Variants in WDPCP observed in about 807,000 individuals in gnomAD.
WDPCP encodes WD repeat-containing and planar cell polarity effector protein fritz homolog.
WDPCP carries 71 observed loss-of-function variants against 93.1 expected under a neutral mutation model. The observed-to-expected ratio is 0.76, with a 90% confidence interval of 0.63 to 0.93. The LOEUF is 0.93. WDPCP is among the 40% of genes least tolerant of loss of function. WDPCP has a pLI of 0.00. For synonymous variants in WDPCP, 315 were observed against 315.0 expected (o/e 1.00, Z 0.00); for missense variants, 844 against 887.4 (o/e 0.95, Z 0.62).
chr2:63,653,133 A>G (rs976165543), intron 2 of WDPCP, among the ~76,000 whole-genome samples: 3 of 152,228 alleles, frequency 2.0e-5, no homozygotes, highest in African/African-American at 7.2e-5. Context: ...TGCTGAGTAG[A>G]GACAGAGATC....
intron 17 of WDPCP, among the ~76,000 whole-genome samples, chr2:63,140,117 G>A (rs549863937): frequency 1.4e-4 from 22 of 152,116 alleles, no homozygotes; most frequent in African/African-American, 5.3e-4. Context: ...AAAATCAGTT[G>A]GCTGTAAGTA....
At chr2:63,419,637 T>C (rs955293844) in intron 9 of WDPCP, among the ~76,000 whole-genome samples, 6 of 152,196 alleles carry the variant, frequency 3.9e-5, no homozygotes, top group African/African-American at 7.2e-5. Context: ...GTCAACATGA[T>C]TGACGCCAAT....
At chr2:63,817,715 T>C (rs979443821) in intron 1 of WDPCP, among the ~76,000 whole-genome samples, 1 of 152,200 alleles carries the variant, frequency 6.6e-6, no homozygotes, top group Non-Finnish European at 1.5e-5. Flanking sequence ...AAAAAAAGTT[T>C]GCCAACCTCT....
chr2:63,329,126 C>T (rs1036882717), intron 12 of WDPCP, among the ~76,000 whole-genome samples: 16 of 152,164 alleles, frequency 1.1e-4, no homozygotes, highest in Non-Finnish European at 1.9e-4. Flanking sequence ...TTACACTGTA[C>T]GTTAGATCTC....
Position 63,174,694 on chromosome 2 carries a change from CTTTG to C in WDPCP, c.2050_2053del (p.Gln684GlufsTer3). On this transcript the variant is annotated frameshift_variant, in exon 15 of 18. Coordinates refer to ENST00000272321, the MANE Select transcript of WDPCP (RefSeq NM_015910.7). LOFTEE classifies it high-confidence loss of function. ...CCTGTTAGAAGAGCCATTCAGTATT[CTTTG>C]TTGTAAAATATGTCTGTGGGTTGGG... 1 of 1,613,866 alleles carries C rather than the reference CTTTG, an allele frequency of 6.2e-7. No homozygotes were observed. Among genetic ancestry groups the C allele is most frequent in the Non-Finnish European group, 8.5e-7 (1 of 1,179,888 alleles).
intron 17 of WDPCP, among the ~76,000 whole-genome samples, chr2:63,137,779 C>T (rs1670733492): frequency 6.6e-6 from 1 of 152,126 alleles, no homozygotes; most frequent in Admixed American, 6.5e-5. Flanking sequence ...ATATAGCTAG[C>T]TACTTATCCC....
At position 63,378,577 on chromosome 2, in the gene WDPCP, G is replaced by A; in HGVS notation, c.1625-68C>T. 1.9e-6 allele frequency: 3 copies of A among 1,605,498 alleles called. No individual in the cohort carries two copies. In the East Asian group the frequency reaches 6.7e-5, roughly 36 times the overall value. ...CCTTCAATTACAACAAAATACTCAT[G>A]TTTGCAGTCAGTCAGGTTTTGCAGA... On this transcript the variant is annotated intron_variant, in intron 11 of 17. Transcript: ENST00000272321.
intron 13 of WDPCP, among the ~76,000 whole-genome samples, chr2:63,304,558 A>G (rs1450187452): frequency 2.6e-5 from 4 of 152,176 alleles, no homozygotes; most frequent in African/African-American, 9.7e-5. Flanking sequence ...GGAACAGTGC[A>G]TTTAGGCCCA....
intron 14 of WDPCP, among the ~76,000 whole-genome samples, chr2:63,178,670 G>T (rs1674001535): frequency 6.6e-6 from 1 of 150,994 alleles, no homozygotes; most frequent in African/African-American, 2.4e-5. Flanking sequence ...AAGTTTTGTT[G>T]ATTTTTTTCT....
At chr2:63,525,740 T>C (rs1575581618) in intron 1 of WDPCP, among the ~76,000 whole-genome samples, 1 of 152,192 alleles carries the variant, frequency 6.6e-6, no homozygotes, top group Admixed American at 6.5e-5. Context: ...TTAGTGGCCG[T>C]GGCCACATTA....
At chr2:63,317,408 C>CAA (rs35537195) in intron 12 of WDPCP, among the ~76,000 whole-genome samples, 106,322 of 134,682 alleles carry the variant, frequency 0.79, 42,275 homozygotes, top group East Asian at 0.95. Context: ...AACTACATCT[C>CAA]AAAAAAAAAA....
chr2:63,531,573 AG>A (rs1206021082), intron 1 of WDPCP, among the ~76,000 whole-genome samples: 1 of 152,218 alleles, frequency 6.6e-6, no homozygotes, highest in Non-Finnish European at 1.5e-5. Flanking sequence ...CCAGGTAAAC[AG>A]GGTCTGGAGT....
chr2:63,172,332 CCT>C (rs1673452969), intron 15 of WDPCP, among the ~76,000 whole-genome samples: 1 of 152,046 alleles, frequency 6.6e-6, no homozygotes. Context: ...ATGGTGAAAC[CCT>C]GTTTCTACAG....
chr2:63,722,427 T>C (rs1383607675), intron 2 of WDPCP, among the ~76,000 whole-genome samples: 1 of 139,162 alleles, frequency 7.2e-6, no homozygotes, highest in Non-Finnish European at 1.5e-5. Flanking sequence ...CGCGACCCCA[T>C]CTGGGAGGTG....
chr2:63,494,236 T>C (rs1360950735), intron 1 of WDPCP, among the ~76,000 whole-genome samples: 2 of 151,784 alleles, frequency 1.3e-5, no homozygotes, highest in African/African-American at 2.4e-5. Flanking sequence ...GAAACGTTAG[T>C]GGGTCCTCAA....
chr2:63,411,944 G>A (rs1303156087), intron 9 of WDPCP, among the ~76,000 whole-genome samples: 5 of 151,858 alleles, frequency 3.3e-5, no homozygotes, highest in African/African-American at 9.7e-5. Context: ...GAATTCTAAC[G>A]GACATTCAAA....
At chr2:63,382,133 A>G (rs1692366467) in intron 10 of WDPCP, 39 bp from the exon 11 acceptor site, 1 of 1,564,034 alleles carries the variant, frequency 6.4e-7, no homozygotes. Flanking sequence ...ATCTTTTAAA[A>G]TAAAATAGAA....
chr2:63,261,583 G>GAA (rs1681637061), intron 13 of WDPCP, among the ~76,000 whole-genome samples: 1 of 152,106 alleles, frequency 6.6e-6, no homozygotes, highest in African/African-American at 2.4e-5. Context: ...TTGATGATAG[G>GAA]AAACACCAGC....
At chr2:63,258,022 C>CT (rs1177199915) in intron 14 of WDPCP, among the ~76,000 whole-genome samples, 7 of 152,026 alleles carry the variant, frequency 4.6e-5, no homozygotes, top group Admixed American at 4.6e-4. Flanking sequence ...ACATGGTATG[C>CT]TTTCATCATT....
Sources: gnomAD v4.1 joint callset for allele counts (sites outside exome capture counted in the v4.1 genomes callset) on GRCh38, gnomAD v4.1.1 for gene constraint, MANE v1.5 for transcripts, NCBI Gene and HGNC (gene_info 2026-07-23, HGNC 2026-07-21) for gene names.